Variants in KCNU1 observed in about 807,000 individuals in gnomAD.
KCNU1 encodes the protein potassium calcium-activated channel subfamily U member 1, also known as potassium channel subfamily U member 1.
In KCNU1, 93 loss-of-function variants were observed where a neutral mutation model predicts 126.8. The observed-to-expected ratio is 0.73, with a 90% confidence interval of 0.62 to 0.87. KCNU1 has a LOEUF of 0.87. KCNU1 is among the 40% of genes least tolerant of loss of function. The probability of loss-of-function intolerance (pLI) is 0.00; values close to 1 mark genes in which losing one functional copy is unlikely to be tolerated. For missense variants in KCNU1, 1,330 were observed against 1,367.1 expected, an observed-to-expected ratio of 0.97 and a Z score of 0.43; for synonymous variants, 523 against 494.2, an observed-to-expected ratio of 1.06 and a Z score of -0.77.
intron 25 of KCNU1, 97 bp downstream of exon 25, chr8:36,931,242 G>A: frequency 1.5e-6 from 1 of 648,012 alleles, no homozygotes; most frequent in East Asian, 2.8e-5. Flanking sequence ...ATGTCCCATA[G>A]CACAGAAATG....
intron 7 of KCNU1, among the ~76,000 whole-genome samples, chr8:36,812,166 G>A (rs1319832846): frequency 6.6e-6 from 1 of 152,058 alleles, no homozygotes; most frequent in African/African-American, 2.4e-5. Flanking sequence ...GATCTCCCGA[G>A]GTTGGGAGTT....
chr8:36,852,917 T>C (rs1345072248), intron 18 of KCNU1, among the ~76,000 whole-genome samples: 1 of 152,178 alleles, frequency 6.6e-6, no homozygotes, highest in African/African-American at 2.4e-5. Context: ...TACAATTGAT[T>C]TATTTTCATT....
intron 19 of KCNU1, among the ~76,000 whole-genome samples, chr8:36,879,271 A>T (rs985777236): frequency 6.9e-6 from 1 of 145,948 alleles, no homozygotes; most frequent in Non-Finnish European, 1.5e-5. Context: ...TGAGATATAT[A>T]AAAATATATT....
chr8:36,833,725 T>G, intron 11 of KCNU1, 66 bp downstream of exon 11: 4 of 883,090 alleles, frequency 4.5e-6, no homozygotes, highest in African/African-American at 1.7e-5. Context: ...TAATAGGATA[T>G]ATTGCTTTTT....
chr8:36,881,956 A>G (rs1806499323), intron 19 of KCNU1, among the ~76,000 whole-genome samples: 1 of 152,062 alleles, frequency 6.6e-6, no homozygotes, highest in South Asian at 2.1e-4. Context: ...AAGTTTATCA[A>G]TCTCTGTTAC....
intron 19 of KCNU1, among the ~76,000 whole-genome samples, chr8:36,873,388 T>C (rs947442210): frequency 6.6e-6 from 1 of 152,036 alleles, no homozygotes; most frequent in Admixed American, 6.6e-5. Flanking sequence ...ACAACCATAA[T>C]TGTCCTCCTC....
chr8:36,836,923 T>C lies in KCNU1; in HGVS notation c.1496T>C (p.Leu499Pro). 6.2e-7 allele frequency: 1 copy of C among 1,613,842 alleles called. No individual in the cohort carries two copies. Among genetic ancestry groups the C allele is most frequent in the Non-Finnish European group, 8.5e-7 (1 of 1,179,780 alleles). ...VPGLCTFLTSLFVEQNKKVMP... is the reference protein window; with the variant it reads ...VPGLCTFLTSPFVEQNKKVMP... ...GGCTTGTGTACCTTCCTAACATCTC[T>C]ATTTGTGGAGCAAAACAAAAAGGTA... Residue 499 changes from leucine to proline, a missense_variant, in exon 14 of 27, where the codon CTA becomes CCA. This residue lies in a region of KCNU1 where 1,054 missense variants were observed against 1,053.9 expected (regional missense o/e 1.00). Coordinates refer to ENST00000399881, the MANE Select transcript of KCNU1 (RefSeq NM_001031836.3).
intron 19 of KCNU1, among the ~76,000 whole-genome samples, chr8:36,901,016 A>G (rs1398450685): frequency 6.6e-6 from 1 of 152,110 alleles, no homozygotes; most frequent in Non-Finnish European, 1.5e-5. Context: ...AATTTCAAGT[A>G]GAATGGTCAT....
chr8:36,888,049 G>A (rs1463071145), intron 19 of KCNU1, among the ~76,000 whole-genome samples: 1 of 152,082 alleles, frequency 6.6e-6, no homozygotes, highest in Non-Finnish European at 1.5e-5. Context: ...GTCCAAGAGG[G>A]AGTCTGTTCA....
chr8:36,831,171 G>T (rs549235585), intron 10 of KCNU1, among the ~76,000 whole-genome samples: 1 of 151,842 alleles, frequency 6.6e-6, no homozygotes, highest in Admixed American at 6.6e-5. Context: ...TTGGACATTT[G>T]GGTTGGTTCC....
intron 19 of KCNU1, among the ~76,000 whole-genome samples, chr8:36,886,420 G>A (rs979184878): frequency 6.6e-6 from 1 of 152,168 alleles, no homozygotes; most frequent in Admixed American, 6.5e-5. Flanking sequence ...AATTCGGAAA[G>A]GAGACTTTAT....
rs377004761 is a variant in KCNU1, at chr8:36,863,337, G to C, written c.1892-1067G>C. 2.6e-4 allele frequency among the ~76,000 whole-genome samples: 39 copies of C among 152,244 alleles called. 1 individual carries two copies. Among genetic ancestry groups the C allele is most frequent in the African/African-American group, 9.1e-4 (38 of 41,566 alleles). ...TGGCTAGTCCAAGCACAGAAATAATGCTTATGTTGAGACAGTAGGAAAAGG... is the reference window on the plus strand; with the variant it reads ...TGGCTAGTCCAAGCACAGAAATAATCCTTATGTTGAGACAGTAGGAAAAGG... On this transcript the variant is annotated intron_variant, in intron 18 of 26. Transcript: ENST00000399881.
chr8:36,806,652 CT>C (rs1314372324), intron 5 of KCNU1, among the ~76,000 whole-genome samples: 1 of 152,172 alleles, frequency 6.6e-6, no homozygotes, highest in African/African-American at 2.4e-5. Context: ...TCTCATTCCC[CT>C]GGTAGCACCT....
intron 2 of KCNU1, chr8:36,795,939 T>G (rs1803081331): frequency 6.6e-6 from 1 of 152,276 alleles, no homozygotes; most frequent in Non-Finnish European, 1.5e-5. Context: ...CCCACCATCT[T>G]GCACAGCCTT....
chr8:36,928,774 G>A (rs1174904534), intron 24 of KCNU1: 8 of 489,258 alleles, frequency 1.6e-5, no homozygotes, highest in Admixed American at 7.9e-5. Flanking sequence ...TGCAGACACA[G>A]CCTATCTTCT....
rs537422542 is a variant in KCNU1 at position 36,908,623 on chromosome 8, G to T, written c.2107-688G>T. ...ACCGCATATTCTCACTCATAGGTGG[G>T]AACTGAACAATGAGAACACTTGGAC... On this transcript the variant is annotated intron_variant, in intron 20 of 26. Transcript: ENST00000399881. 2.4e-3 allele frequency among the ~76,000 whole-genome samples: 365 copies of T among 149,018 alleles called. 1 individual carries two copies. Among genetic ancestry groups the T allele is most frequent in the African/African-American group, 8.8e-3 (354 of 40,454 alleles).
At chr8:36,841,971 G>T (rs992282977) in intron 16 of KCNU1, among the ~76,000 whole-genome samples, 26 of 148,344 alleles carry the variant, frequency 1.8e-4, no homozygotes, top group Non-Finnish European at 6.0e-5. Flanking sequence ...TAGAGAAAAA[G>T]ATCTGTTAAA....
intron 19 of KCNU1, among the ~76,000 whole-genome samples, chr8:36,890,231 A>T (rs76990473): frequency 1.3e-5 from 2 of 152,102 alleles, no homozygotes; most frequent in Non-Finnish European, 2.9e-5. Flanking sequence ...AATATTCAAG[A>T]CAGAATAAAT....
At chr8:36,858,691 A>C (rs1014833508) in intron 18 of KCNU1, among the ~76,000 whole-genome samples, 2 of 152,220 alleles carry the variant, frequency 1.3e-5, no homozygotes, top group Admixed American at 6.5e-5. Context: ...ACTTTACTAT[A>C]AATATTTTAA....
Sources: allele counts gnomAD v4.1 joint callset (sites outside exome capture counted in the v4.1 genomes callset), GRCh38; gene constraint gnomAD v4.1.1; regional missense constraint gnomAD v4.1.1; transcripts MANE v1.5; gene names NCBI Gene and HGNC (gene_info 2026-07-23, HGNC 2026-07-21).